TRMT11: variants seen among roughly 807,000 people sequenced by gnomAD.
TRMT11 encodes the protein tRNA (guanine(10)-N(2))-methyltransferase TRMT11.
TRMT11 carries 53 observed loss-of-function variants against 62.8 expected under a neutral mutation model. That is an observed-to-expected ratio of 0.84 (90% confidence interval 0.68 to 1.06). The LOEUF (loss-of-function observed/expected upper bound fraction) is 1.06. Ranked by LOEUF, TRMT11 falls within the 50% of genes least tolerant of loss-of-function variation. The probability of loss-of-function intolerance (pLI) is 0.00; values close to 1 mark genes in which losing one functional copy is unlikely to be tolerated. For synonymous variants in TRMT11, 188 were observed against 190.3 expected (o/e 0.99, Z 0.10); for missense variants, 556 against 553.4 (o/e 1.00, Z -0.05).
At chr6:126,186,088 C>T (rs1778524390) in intron 1 of TRMT11, among the ~76,000 whole-genome samples, 1 of 152,246 alleles carries the variant, frequency 6.6e-6, no homozygotes, top group Non-Finnish European at 1.5e-5. Flanking sequence ...GAAGAAAATG[C>T]TTTATTTCCA....
rs1210853491 is a variant in TRMT11, at chr6:126,093,618, TATATA to T, written c.*1438-19247_*1438-19243del. ...ATATATATATATATATATATATATA[TATATA>T]TATATATATTTTCCCCCAGTCCTGG... is the stretch of plus-strand genomic sequence containing the variant. On this transcript the variant is annotated intron_variant and NMD_transcript_variant, in intron 17 of 22. Coordinates refer to the TRMT11 transcript ENST00000648977. 7.4e-3 allele frequency among the ~76,000 whole-genome samples: 706 copies of T among 95,458 alleles called. 53 individuals are homozygous for T. The highest frequency in any genetic ancestry group is 0.044 in the African/African-American group (672 of 15,176). 62.6% of individuals were successfully genotyped at this position (95,458 alleles called of 152,430 possible). A position where few individuals can be genotyped will look rare whatever the true frequency, so the allele number is the denominator to read the frequency against.
intron 21 of TRMT11, among the ~76,000 whole-genome samples, chr6:126,137,592 A>G (rs1474446490): frequency 2.0e-5 from 3 of 151,854 alleles, no homozygotes; most frequent in South Asian, 2.1e-4. Flanking sequence ...TAGTACTACT[A>G]TATGATTAAT....
At position 126,154,323 on chromosome 6, in the gene TRMT11, ATATGTGTGTGTGTG is replaced by A. The variant is rs1228400307; in HGVS notation, c.*1824-20486_*1824-20473del. ...TTAGTGTTAGGTATCAGTAATAAAG[ATATGTGTGTGTGTG>A]TATGTGTGTGTGTGTGTGTGTGTGT... On this transcript the variant is annotated intron_variant and NMD_transcript_variant, in intron 21 of 22. Transcript: ENST00000648977. Among the ~76,000 whole-genome samples the A allele has an allele frequency of 7.3e-4, 109 of 149,210 alleles. 1 individual carries two copies. Among genetic ancestry groups the A allele is most frequent in the South Asian group, 3.1e-3 (15 of 4,780 alleles).
At chr6:126,138,351 T>C (rs1777876696) in intron 21 of TRMT11, among the ~76,000 whole-genome samples, 2 of 151,994 alleles carry the variant, frequency 1.3e-5, no homozygotes, top group Non-Finnish European at 2.9e-5. Flanking sequence ...GTAAATTTTA[T>C]TTCTTAAAAG....
chr6:126,235,505 A>G, the TRMT11 span, among the ~76,000 whole-genome samples: 1 of 152,374 alleles, frequency 6.6e-6, no homozygotes, highest in Non-Finnish European at 1.5e-5. Context: ...CATATACACC[A>G]TGGAATACTA....
intron 1 of TRMT11, 125 bp downstream of exon 1, chr6:125,986,747 G>C: frequency 1.1e-6 from 1 of 911,434 alleles, no homozygotes. Context: ...GTCTGCGCGG[G>C]TCACGCGTCC....
At chr6:126,269,263 CAA>C in the TRMT11 span, among the ~76,000 whole-genome samples, 17 of 68,866 alleles carry the variant, frequency 2.5e-4, no homozygotes, top group African/African-American at 1.0e-3. Flanking sequence ...GACTCCGTCT[CAA>C]AAAAAAAAAA....
chr6:126,130,038 A>G (rs540234495), intron 21 of TRMT11, among the ~76,000 whole-genome samples: 1 of 152,224 alleles, frequency 6.6e-6, no homozygotes, highest in Non-Finnish European at 1.5e-5. Context: ...CCCATTTTCC[A>G]TAGCCCTCAT....
chr6:126,244,309 A>G, the TRMT11 span, among the ~76,000 whole-genome samples: 2 of 152,184 alleles, frequency 1.3e-5, no homozygotes, highest in African/African-American at 2.4e-5. Flanking sequence ...GGTTTGCTAT[A>G]TTCTGTGTTA....
intron 1 of TRMT11, among the ~76,000 whole-genome samples, chr6:125,991,396 G>A (rs976511942): frequency 6.6e-6 from 1 of 151,994 alleles, no homozygotes; most frequent in African/African-American, 2.4e-5. Flanking sequence ...GACTACAGGT[G>A]CACCACTATG....
rs1380906037 is a variant in TRMT11, at chr6:126,120,809, A to G, written c.*1823+4954A>G. ...AGAAGCAAAGGAAGCCTGTGGAATAAGTCTCTTTCAGCCCAAAGTTATATT... is the reference window on the plus strand; with the variant it reads ...AGAAGCAAAGGAAGCCTGTGGAATAGGTCTCTTTCAGCCCAAAGTTATATT... On this transcript the variant is annotated intron_variant and NMD_transcript_variant, in intron 21 of 22. Transcript: ENST00000648977. Among the ~76,000 whole-genome samples, 10 of 152,232 alleles carry G rather than the reference A, an allele frequency of 6.6e-5. No homozygotes were observed. In the East Asian group the frequency reaches 1.9e-3, roughly 29 times the overall value.
At chr6:126,197,180 G>A (rs1005970944) in intron 1 of TRMT11, among the ~76,000 whole-genome samples, 1 of 152,106 alleles carries the variant, frequency 6.6e-6, no homozygotes, top group Non-Finnish European at 1.5e-5. Context: ...GCAGTTGCTT[G>A]TGTTTCTACT....
At chr6:126,008,551 AG>A in intron 8 of TRMT11, 79 bp downstream of exon 8, 1 of 1,243,282 alleles carries the variant, frequency 8.0e-7, no homozygotes, top group East Asian at 2.3e-5. Context: ...TGACCCTGGA[AG>A]AACACAAGTT....
chr6:126,064,215 A>G (rs1776621087), intron 17 of TRMT11, among the ~76,000 whole-genome samples: 1 of 151,938 alleles, frequency 6.6e-6, no homozygotes, highest in South Asian at 2.1e-4. Context: ...GGAGGGAGAA[A>G]GCGCACATGC....
At chr6:126,238,478 C>T in the TRMT11 span, among the ~76,000 whole-genome samples, 1 of 152,106 alleles carries the variant, frequency 6.6e-6, no homozygotes, top group African/African-American at 2.4e-5. Flanking sequence ...ACCCAGTAGT[C>T]ATTCAGGAGC....
At chr6:126,264,375 C>T in the TRMT11 span, among the ~76,000 whole-genome samples, 5 of 151,940 alleles carry the variant, frequency 3.3e-5, no homozygotes, top group Non-Finnish European at 7.4e-5. Context: ...TGTTAATTGC[C>T]TGCTGTGTAC....
chr6:126,005,085 G>A (rs1793159060), intron 7 of TRMT11, among the ~76,000 whole-genome samples: 1 of 152,010 alleles, frequency 6.6e-6, no homozygotes, highest in African/African-American at 2.4e-5. Context: ...ATGTGAGTTT[G>A]GCTAAAGGAA....
chr6:126,231,145 G>A, the TRMT11 span, among the ~76,000 whole-genome samples: 7 of 152,172 alleles, frequency 4.6e-5, no homozygotes, highest in African/African-American at 7.2e-5. Flanking sequence ...AATCTGTTGG[G>A]TTATTTGCAA....
intron 11 of TRMT11, among the ~76,000 whole-genome samples, chr6:126,018,082 C>A (rs1460707571): frequency 6.6e-6 from 1 of 152,110 alleles, no homozygotes; most frequent in African/African-American, 2.4e-5. Context: ...AACATGATGA[C>A]ATACTTATAT....
Sources: allele counts gnomAD v4.1 joint callset (sites outside exome capture counted in the v4.1 genomes callset), GRCh38; gene constraint gnomAD v4.1.1; transcripts MANE v1.5; gene names NCBI Gene and HGNC (gene_info 2026-07-23, HGNC 2026-07-21).